Variants in POLB observed in about 807,000 individuals in gnomAD.
POLB encodes DNA polymerase beta.
POLB carries 37 observed loss-of-function variants against 52.7 expected under a neutral mutation model. That is an observed-to-expected ratio of 0.70 (90% CI 0.54 to 0.92). POLB has a LOEUF of 0.92. Ranked by LOEUF, POLB falls within the 40% of genes least tolerant of loss-of-function variation. The pLI, the probability that POLB is intolerant of heterozygous loss-of-function variation, is 0.00. For missense variants in POLB, 313 were observed against 400.8 expected, an observed-to-expected ratio of 0.78 and a Z score of 1.87; for synonymous variants, 138 against 131.3, an observed-to-expected ratio of 1.05 and a Z score of -0.35.
Position 42,350,010 on chromosome 8 carries a change from C to G in POLB, c.265C>G (p.Arg89Gly). Residue 89 changes from arginine (R) to glycine (G), a missense_variant, in exon 5 of 14, where the codon CGG (arginine) becomes GGG (glycine). Arg to Gly is a moderately radical substitution (Grantham distance 125). Coordinates refer to ENST00000265421, the MANE Select transcript of POLB (RefSeq NM_002690.3). Reference protein sequence around the residue: ...TGKLRKLEKIRQDDTSSSINF... With the variant: ...TGKLRKLEKIGQDDTSSSINF... The stretch of plus-strand genomic sequence containing the variant: ...TAGACTTTTTTTTTTCTTAAAGATT[C>G]GGCAGGATGATACGAGTTCATCCAT... 2 of 1,601,104 alleles carry G rather than the reference C, an allele frequency of 1.2e-6. No individual in the cohort carries two copies. The highest frequency in any genetic ancestry group is 1.1e-5 in the South Asian group (1 of 90,758).
intron 7 of POLB, 42 bp downstream of exon 7, chr8:42,355,609 T>G: frequency 8.1e-7 from 1 of 1,237,422 alleles, no homozygotes; most frequent in Non-Finnish European, 1.2e-6. Flanking sequence ...GATATAAAAG[T>G]AAATTTTTTA....
chr8:42,369,084 CTAAT>C lies in POLB; in HGVS notation c.709-184_709-181del, dbSNP rs1824216206. The C allele has an allele frequency of 1.6e-5, 7 of 425,462 alleles. No individual in the cohort carries two copies. In the South Asian group the frequency reaches 3.1e-4, roughly 19 times the overall value. The allele number at this position is 425,462 out of a possible 1,614,324, so 26.4% of individuals were successfully genotyped here. A position where few individuals can be genotyped will look rare whatever the true frequency, so the allele number is the denominator to read the frequency against. ...CTTATTTGCAGTTTTGTGTAGTTCTCTAATTATCGTGAAGTGTAATAGAAAGGTA... is the reference window on the plus strand; with the variant it reads ...CTTATTTGCAGTTTTGTGTAGTTCTCTATCGTGAAGTGTAATAGAAAGGTA... On this transcript the variant is annotated intron_variant, in intron 11 of 13. Transcript: ENST00000265421.
At chr8:42,339,789 TC>T (rs1822083902) in intron 2 of POLB, 1 of 151,540 alleles carries the variant, frequency 6.6e-6, no homozygotes, top group Admixed American at 6.6e-5. Flanking sequence ...CAGGCTGATC[TC>T]CAACTCCTAA....
In POLB at chr8:42,339,016, C is replaced by T; in HGVS notation, c.66C>T (p.Leu22=). Residue 22 remains leucine, a synonymous_variant, in exon 2 of 14, where the codon CTC becomes CTT. Coordinates refer to ENST00000265421, the MANE Select transcript of POLB (RefSeq NM_002690.3). ...NGGITDMLTE[L]ANFEKNVSQA... is the part of the protein sequence containing the mutation. ...GAGCCTTCTGTTGCCTTTCAGAACT[C>T]GCAAACTTTGAGAAGAACGTGAGCC... The T allele has an allele frequency of 6.2e-7, 1 of 1,613,642 alleles. No homozygotes were observed. The highest frequency in any genetic ancestry group is 1.1e-5 in the South Asian group (1 of 91,072).
At chr8:42,356,527 C>A (rs936192839) in intron 7 of POLB, among the ~76,000 whole-genome samples, 2 of 152,208 alleles carry the variant, frequency 1.3e-5, no homozygotes, top group African/African-American at 4.8e-5. Flanking sequence ...GGAACCATCA[C>A]TACAGTCAGT....
chr8:42,339,161 G>A, intron 2 of POLB, 92 bp downstream of exon 2: 1 of 983,100 alleles, frequency 1.0e-6, no homozygotes, highest in South Asian at 1.3e-5. Flanking sequence ...GTGGATATTT[G>A]GTCCATCTGC....
intron 2 of POLB, chr8:42,342,543 A>G: frequency 1.3e-6 from 1 of 793,356 alleles, no homozygotes. Flanking sequence ...GTTTCTGAGC[A>G]TAGTAATCAG....
intron 7 of POLB, among the ~76,000 whole-genome samples, chr8:42,355,998 G>A (rs1472064771): frequency 2.6e-5 from 4 of 152,056 alleles, no homozygotes; most frequent in Non-Finnish European, 5.9e-5. Flanking sequence ...TTAAAAAAAG[G>A]ACAAACCTCA....
chr8:42,364,020 G>A (rs958880237), intron 11 of POLB, among the ~76,000 whole-genome samples: 1 of 147,818 alleles, frequency 6.8e-6, no homozygotes, highest in African/African-American at 2.5e-5. Context: ...TCCACCTCCC[G>A]GGTTCAAGCA....
chr8:42,359,178 A>G (rs1010162833), intron 9 of POLB, among the ~76,000 whole-genome samples: 1 of 152,076 alleles, frequency 6.6e-6, no homozygotes, highest in African/African-American at 2.4e-5. Context: ...TTCCCTATGG[A>G]TTCTTGTAAC....
chr8:42,343,510 C>G (rs1822388956), intron 2 of POLB, among the ~76,000 whole-genome samples: 1 of 63,028 alleles, frequency 1.6e-5, no homozygotes, highest in African/African-American at 2.9e-5. Context: ...CTGGGTGACT[C>G]CATCTCAAAA....
At chr8:42,340,236 A>G (rs1769932116) in intron 2 of POLB, 1 of 152,142 alleles carries the variant, frequency 6.6e-6, no homozygotes, top group Admixed American at 6.5e-5. Context: ...AGCATCCCTA[A>G]TCTGAAAATT....
chr8:42,370,040 A>G, intron 13 of POLB, 52 bp downstream of exon 13: 1 of 1,438,674 alleles, frequency 7.0e-7, no homozygotes, highest in Non-Finnish European at 9.8e-7. Flanking sequence ...AGAGAAGGTT[A>G]TTTTCAAAGA....
At chr8:42,341,249 G>T (rs1822184417) in intron 2 of POLB, among the ~76,000 whole-genome samples, 2 of 152,132 alleles carry the variant, frequency 1.3e-5, no homozygotes, top group South Asian at 2.1e-4. Context: ...ATACATCATA[G>T]CATACAAAAG....
chr8:42,344,203 A>G lies in POLB; in HGVS notation c.120-750A>G, dbSNP rs111528967. Among the ~76,000 whole-genome samples the G allele has an allele frequency of 4.3e-4, 64 of 150,228 alleles. 2 individuals are homozygous for G. The highest frequency in any genetic ancestry group is 1.4e-3 in the African/African-American group (57 of 40,632). ...TCACGCCTGTAATCCTAGCTGGTTC[A>G]CACCTGTAATCCTAGCTTTCTTTGG... is the stretch of plus-strand genomic sequence containing the variant. On this transcript the variant is annotated intron_variant, in intron 2 of 13. Coordinates refer to ENST00000265421, the MANE Select transcript of POLB (RefSeq NM_002690.3).
chr8:42,355,082 A>G (rs1823219901), intron 6 of POLB, among the ~76,000 whole-genome samples: 1 of 151,574 alleles, frequency 6.6e-6, no homozygotes, highest in South Asian at 2.1e-4. Flanking sequence ...TCTGTTGCCC[A>G]GGCTGGATTG....
Position 42,352,551 on chromosome 8 carries a change from G to T in POLB, c.353G>T (p.Gly118Val), listed in dbSNP as rs764967314. Residue 118 changes from glycine to valine, a missense_variant, in exon 6 of 14, where the codon GGA becomes GTA. This residue lies in a region of POLB where 246 missense variants were observed against 297.6 expected (regional missense o/e 0.83). Transcript: ENST00000265421. ...PSAARKFVDE[G>V]IKTLEDLRKN... ...GCTGCAAGGAAGTTTGTAGATGAAG[G>T]AATTAAAACACTAGAAGGTGAGTAT... 6 of 1,596,086 alleles carry T rather than the reference G, an allele frequency of 3.8e-6. No individual in the cohort carries two copies. In the Admixed American group the frequency reaches 1.0e-4, roughly 27 times the overall value.
intron 13 of POLB, chr8:42,370,259 G>GTTT (rs34271342): frequency 1.9e-3 from 563 of 290,004 alleles, no homozygotes; most frequent in Non-Finnish European, 2.3e-3. Context: ...ATCTAAAAGG[G>GTTT]TTTTTTTTTT....
At chr8:42,350,223 C>G (rs1822891476) in intron 5 of POLB, among the ~76,000 whole-genome samples, 158 bp downstream of exon 5, 1 of 152,176 alleles carries the variant, frequency 6.6e-6, no homozygotes, top group South Asian at 2.1e-4. Context: ...GAGGCCGATT[C>G]TTCAGATAGT....
Sources: allele counts gnomAD v4.1 joint callset (sites outside exome capture counted in the v4.1 genomes callset), GRCh38; gene constraint gnomAD v4.1.1; regional missense constraint gnomAD v4.1.1; transcripts MANE v1.5; gene names NCBI Gene and HGNC (gene_info 2026-07-23, HGNC 2026-07-21).